AHI1: variants seen among roughly 807,000 people sequenced by gnomAD.
AHI1 encodes the protein jouberin.
A neutral mutation model predicts 149.3 loss-of-function variants in AHI1; 123 were observed. The ratio of observed to expected loss-of-function variants is 0.82; its 90% CI spans 0.71 to 0.96. AHI1 has a LOEUF of 0.96. AHI1 is among the 40% of genes least tolerant of loss of function. The pLI, the probability that AHI1 is intolerant of heterozygous loss-of-function variation, is 0.00. For synonymous variants in AHI1, 475 were observed against 459.8 expected, an observed-to-expected ratio of 1.03 and a Z score of -0.42; for missense variants, 1,439 against 1,422.7, an observed-to-expected ratio of 1.01 and a Z score of -0.18.
chr6:135,325,086 G>C (rs546776803), intron 24 of AHI1, among the ~76,000 whole-genome samples: 66 of 147,578 alleles, frequency 4.5e-4, no homozygotes, highest in African/African-American at 1.7e-3. Context: ...GAGTGCACTG[G>C]TGTGATCTAC....
At chr6:135,478,913 G>T (rs1793152395) in intron 5 of AHI1, among the ~76,000 whole-genome samples, 1 of 152,212 alleles carries the variant, frequency 6.6e-6, no homozygotes, top group South Asian at 2.1e-4. Context: ...CTCCAGCTGT[G>T]GCTAAAAGGG....
intron 24 of AHI1, among the ~76,000 whole-genome samples, chr6:135,339,191 C>T (rs978976311): frequency 6.6e-6 from 1 of 152,200 alleles, no homozygotes; most frequent in African/African-American, 2.4e-5. Context: ...AACACTGCAC[C>T]TGCCTTAGGT....
chr6:135,392,816 T>C (rs946873609), intron 23 of AHI1, among the ~76,000 whole-genome samples: 3 of 152,170 alleles, frequency 2.0e-5, no homozygotes, highest in African/African-American at 7.2e-5. Flanking sequence ...CTGCTCAAGA[T>C]TCCATGTTTA....
intron 24 of AHI1, among the ~76,000 whole-genome samples, chr6:135,329,769 T>C (rs924478162): frequency 2.6e-5 from 4 of 152,210 alleles, no homozygotes; most frequent in African/African-American, 9.6e-5. Context: ...GAAAACCTTC[T>C]GGAAAGGATG....
chr6:135,427,422 T>C (rs1784064384), intron 19 of AHI1, 115 bp from the exon 20 acceptor site: 1 of 894,380 alleles, frequency 1.1e-6, no homozygotes, highest in Non-Finnish European at 1.6e-6. Flanking sequence ...GATGCTCACA[T>C]TATTTATGTG....
intron 10 of AHI1, among the ~76,000 whole-genome samples, chr6:135,454,831 T>C (rs1470321336): frequency 6.6e-6 from 1 of 152,200 alleles, no homozygotes; most frequent in African/African-American, 2.4e-5. Flanking sequence ...CAATAACAGC[T>C]TTATGTAAAT....
At chr6:135,357,168 A>G (rs1012683842) in intron 24 of AHI1, among the ~76,000 whole-genome samples, 1 of 152,156 alleles carries the variant, frequency 6.6e-6, no homozygotes, top group Non-Finnish European at 1.5e-5. Context: ...CAATCTCCTG[A>G]CCTTGTGATC....
At chr6:135,464,553 G>C (rs1001057490) in intron 7 of AHI1, among the ~76,000 whole-genome samples, 4 of 152,150 alleles carry the variant, frequency 2.6e-5, no homozygotes, top group Non-Finnish European at 5.9e-5. Context: ...TATGATAAAA[G>C]TAATGAATGC....
chr6:135,451,842 C>T (rs919850971), intron 11 of AHI1, among the ~76,000 whole-genome samples: 5 of 142,794 alleles, frequency 3.5e-5, no homozygotes, highest in Non-Finnish European at 6.2e-5. Flanking sequence ...GAGTTTTTTG[C>T]TTTTTTTTTT....
chr6:135,438,384 C>T lies in AHI1; in HGVS notation c.2027G>A (p.Gly676Asp), dbSNP rs1488485624. 2 of 1,579,524 alleles carry T rather than the reference C, an allele frequency of 1.3e-6. No homozygotes were observed. The highest frequency in any genetic ancestry group is 1.8e-5 in the Admixed American group (1 of 57,070). ...TCTCAAGGATACTAACCTGGCAGTG[C>T]CATCAGATGATGAAGTAAGGATGTA... is the stretch of plus-strand genomic sequence containing the variant. ...DHYILTSSSD[G>D]TARIWKNEIN... Residue 676 changes from glycine to aspartate, a missense_variant, in exon 15 of 29, where the codon GGC becomes GAC. Physicochemically the swap from Gly to Asp is moderately conservative, Grantham distance 94. Transcript: ENST00000265602.
At chr6:135,483,398 A>G (rs1246524571) in intron 5 of AHI1, among the ~76,000 whole-genome samples, 2 of 152,168 alleles carry the variant, frequency 1.3e-5, no homozygotes, top group Non-Finnish European at 1.5e-5. Flanking sequence ...TCACTGCACA[A>G]AACAAAAAGT....
rs766795439 is a variant in AHI1, at chr6:135,466,021, T to A, written c.542A>T (p.Asp181Val). 6.2e-7 allele frequency: 1 copy of A among 1,613,868 alleles called. No homozygotes were observed. The highest frequency in any genetic ancestry group is 1.3e-5 in the African/African-American group (1 of 74,940). Residue 181 changes from aspartate (D) to valine (V), a missense_variant, in exon 7 of 29, where the codon GAT (aspartate) becomes GTT (valine). Physicochemically the swap from Asp to Val is radical, Grantham distance 152. Transcript: ENST00000265602. ...EKANEGREET[D>V]LEEDEELMQA... ...CATCAATTCTTCATCCTCTTCTAAA[T>A]CAGTCTCTTCTCTTCCCTCATTTGC...
intron 27 of AHI1, among the ~76,000 whole-genome samples, chr6:135,298,644 G>GTTC (rs765713295): frequency 3.4e-4 from 51 of 152,162 alleles, no homozygotes; most frequent in Non-Finnish European, 6.3e-4. Context: ...ATTGTAAGTA[G>GTTC]GGAAAGTCCA....
At chr6:135,387,928 G>C in intron 23 of AHI1, 1 of 1,610,394 alleles carries the variant, frequency 6.2e-7, no homozygotes, top group Non-Finnish European at 8.5e-7. Flanking sequence ...AAACAGTTAG[G>C]AAGTGGTGGG....
chr6:135,401,599 CTT>C (rs57656443), intron 22 of AHI1, among the ~76,000 whole-genome samples: 8,062 of 152,226 alleles, frequency 0.053, 626 homozygotes, highest in African/African-American at 0.17. Flanking sequence ...GCAAAGCACT[CTT>C]TTCAATAAGT....
chr6:135,490,504 T>G, intron 5 of AHI1, 119 bp downstream of exon 5: 1 of 1,168,896 alleles, frequency 8.6e-7, no homozygotes, highest in Non-Finnish European at 1.3e-6. Flanking sequence ...TTATTGACCA[T>G]GACATAGTGT....
intron 27 of AHI1, among the ~76,000 whole-genome samples, chr6:135,292,160 C>T (rs1010867913): frequency 5.3e-5 from 8 of 151,706 alleles, no homozygotes; most frequent in African/African-American, 1.7e-4. Flanking sequence ...ACACAAAGAC[C>T]CCATGGATAC....
At chr6:135,471,670 T>G (rs1432253702) in intron 5 of AHI1, among the ~76,000 whole-genome samples, 2 of 190 alleles carry the variant, frequency 0.011, no homozygotes, top group African/African-American at 0.038. Context: ...TGATTCAGGT[T>G]TTTTTTTGCT....
chr6:135,460,755 C>A (rs1789742260), intron 8 of AHI1, among the ~76,000 whole-genome samples: 2 of 152,082 alleles, frequency 1.3e-5, no homozygotes, highest in African/African-American at 4.8e-5. Flanking sequence ...ATAGAGACTA[C>A]AAAAACTGAT....
Sources: gnomAD v4.1 joint callset for allele counts (sites outside exome capture counted in the v4.1 genomes callset) on GRCh38, gnomAD v4.1.1 for gene constraint, MANE v1.5 for transcripts, NCBI Gene and HGNC (gene_info 2026-07-23, HGNC 2026-07-21) for gene names.